Variants in SPAG16 observed in about 807,000 individuals in gnomAD.
The protein encoded by SPAG16 is sperm associated antigen 16.
Under a neutral mutation model 80.4 loss-of-function variants are expected in SPAG16, and 86 were observed. The observed-to-expected ratio is 1.07, with a 90% confidence interval of 0.90 to 1.28. The LOEUF is 1.28. SPAG16 is among the 50% of genes most tolerant of loss of function. The pLI, the probability that SPAG16 is intolerant of heterozygous loss-of-function variation, is 0.00. For synonymous variants in SPAG16, 294 were observed against 265.9 expected (o/e 1.11, Z -1.03); for missense variants, 870 against 765.3 (o/e 1.14, Z -1.61).
chr2:213,620,650 T>C (rs569590653), intron 10 of SPAG16, among the ~76,000 whole-genome samples: 2 of 152,116 alleles, frequency 1.3e-5, no homozygotes, highest in African/African-American at 4.8e-5. Context: ...AACATAAAGG[T>C]TTGATAAATG....
chr2:213,430,406 A>C (rs2070217038), intron 9 of SPAG16, among the ~76,000 whole-genome samples: 1 of 152,222 alleles, frequency 6.6e-6, no homozygotes, highest in Non-Finnish European at 1.5e-5. Flanking sequence ...GGCCCAGGAC[A>C]GCTTTGAATG....
intron 11 of SPAG16, among the ~76,000 whole-genome samples, chr2:213,920,415 C>A (rs2078160663): frequency 6.6e-6 from 1 of 152,142 alleles, no homozygotes; most frequent in Non-Finnish European, 1.5e-5. Flanking sequence ...CATGCACACA[C>A]ACGTTGGCAT....
intron 14 of SPAG16, among the ~76,000 whole-genome samples, chr2:214,111,855 G>T (rs2053681676): frequency 6.6e-6 from 1 of 152,062 alleles, no homozygotes; most frequent in Admixed American, 6.6e-5. Context: ...CTTGTGAGTT[G>T]GATTCCTAGG....
At chr2:214,401,495 C>T (rs1701705132) in intron 15 of SPAG16, among the ~76,000 whole-genome samples, 1 of 151,812 alleles carries the variant, frequency 6.6e-6, no homozygotes, top group African/African-American at 2.4e-5. Flanking sequence ...GTGTATGAGA[C>T]TCATTTGAAT....
chr2:213,826,002 G>A (rs1478061845), intron 10 of SPAG16, among the ~76,000 whole-genome samples: 7 of 151,778 alleles, frequency 4.6e-5, no homozygotes, highest in Non-Finnish European at 5.9e-5. Flanking sequence ...ATGTATCTAG[G>A]AACTTATCCA....
At chr2:213,362,698 T>C (rs900804654) in intron 7 of SPAG16, among the ~76,000 whole-genome samples, 1 of 152,190 alleles carries the variant, frequency 6.6e-6, no homozygotes, top group African/African-American at 2.4e-5. Flanking sequence ...ACTGTCAGAC[T>C]AATGCTCCCC....
chr2:214,001,532 TA>T (rs2046788438), intron 12 of SPAG16, among the ~76,000 whole-genome samples: 1 of 152,232 alleles, frequency 6.6e-6, no homozygotes, highest in Non-Finnish European at 1.5e-5. Context: ...AAAGTATATG[TA>T]ACCATTTTAC....
chr2:213,551,101 T>C (rs2076766355), intron 10 of SPAG16, among the ~76,000 whole-genome samples: 1 of 152,154 alleles, frequency 6.6e-6, no homozygotes, highest in Non-Finnish European at 1.5e-5. Context: ...TTTCTTTGCT[T>C]ATTCCTTCTT....
chr2:213,849,815 A>T (rs183210964), intron 10 of SPAG16, among the ~76,000 whole-genome samples: 1 of 152,354 alleles, frequency 6.6e-6, no homozygotes, highest in Admixed American at 6.5e-5. Flanking sequence ...ATGAAATGGA[A>T]CATTTTACAT....
chr2:213,507,185 T>C (rs1052492153), intron 10 of SPAG16, among the ~76,000 whole-genome samples: 1 of 152,120 alleles, frequency 6.6e-6, no homozygotes. Flanking sequence ...TGGGGGAAGA[T>C]TCCTTTAAAA....
chr2:213,322,934 A>G (rs901023605), intron 5 of SPAG16, among the ~76,000 whole-genome samples: 17 of 152,182 alleles, frequency 1.1e-4, no homozygotes, highest in African/African-American at 3.6e-4. Context: ...CAAGGAGGCT[A>G]TAGTGGCTCT....
intron 9 of SPAG16, among the ~76,000 whole-genome samples, chr2:213,488,806 G>A (rs534151150): frequency 3.0e-4 from 44 of 148,218 alleles, no homozygotes; most frequent in Non-Finnish European, 4.9e-4. Flanking sequence ...CGCCAGAGGC[G>A]GTGCTCACGT....
intron 10 of SPAG16, among the ~76,000 whole-genome samples, chr2:213,521,671 G>A (rs2075675807): frequency 6.6e-6 from 1 of 152,150 alleles, no homozygotes; most frequent in Admixed American, 6.5e-5. Context: ...GCTGGTGTTG[G>A]TCTGCAGAAG....
At chr2:213,492,416 G>T (rs1004640771) in intron 10 of SPAG16, among the ~76,000 whole-genome samples, 1 of 151,984 alleles carries the variant, frequency 6.6e-6, no homozygotes, top group Non-Finnish European at 1.5e-5. Context: ...TGGGTGTGGT[G>T]GTGGGCGCCT....
intron 15 of SPAG16, among the ~76,000 whole-genome samples, chr2:214,230,614 G>T (rs897178449): frequency 1.3e-5 from 2 of 151,962 alleles, no homozygotes; most frequent in Non-Finnish European, 2.9e-5. Flanking sequence ...TCTCAGCAGG[G>T]AATTAAAATG....
chr2:213,678,496 C>T (rs909587406), intron 10 of SPAG16, among the ~76,000 whole-genome samples: 7 of 152,114 alleles, frequency 4.6e-5, no homozygotes, highest in African/African-American at 7.2e-5. Context: ...AACACCTCTA[C>T]ACAAATAAAC....
intron 15 of SPAG16, among the ~76,000 whole-genome samples, chr2:214,237,333 A>G (rs905894184): frequency 6.6e-6 from 1 of 151,914 alleles, no homozygotes; most frequent in African/African-American, 2.4e-5. Flanking sequence ...TAAAAAAAAA[A>G]CACAGATCTT....
chr2:214,050,385 C>G (rs2049578769), intron 13 of SPAG16, among the ~76,000 whole-genome samples: 1 of 152,062 alleles, frequency 6.6e-6, no homozygotes, highest in Middle Eastern at 3.4e-3. Flanking sequence ...TCTCTGAACA[C>G]ACTTTGAGAA....
intron 11 of SPAG16, among the ~76,000 whole-genome samples, chr2:213,881,418 A>G (rs562368335): frequency 2.0e-5 from 3 of 152,270 alleles, no homozygotes; most frequent in African/African-American, 7.2e-5. Context: ...GTGAAGAGAG[A>G]TACTTTGACT....
Sources: gnomAD v4.1 joint callset for allele counts (sites outside exome capture counted in the v4.1 genomes callset) on GRCh38, gnomAD v4.1.1 for gene constraint, MANE v1.5 for transcripts, NCBI Gene and HGNC (gene_info 2026-07-23, HGNC 2026-07-21) for gene names.